Variants in EPRS1 observed in about 807,000 individuals in gnomAD.
The protein encoded by EPRS1 is glutamyl-prolyl-tRNA synthetase 1.
EPRS1 carries 107 observed loss-of-function variants against 188.3 expected under a neutral mutation model. The observed-to-expected ratio is 0.57, with a 90% CI of 0.49 to 0.67. The LOEUF is 0.67. Among genes scored for constraint, EPRS1 ranks in the 30% least tolerant of loss-of-function variants. The pLI is 0.00. For missense variants in EPRS1, 1,577 were observed against 1,802.2 expected (o/e 0.88, Z 2.26); for synonymous variants, 596 against 593.1 (o/e 1.00, Z -0.07).
chr1:219,985,432 G>C (rs1047055342), intron 20 of EPRS1, among the ~76,000 whole-genome samples: 3 of 151,814 alleles, frequency 2.0e-5, no homozygotes, highest in African/African-American at 7.3e-5. Context: ...TCACCCCATC[G>C]CCCAGGCTGG....
At chr1:220,042,128 C>T (rs965112561) in intron 1 of EPRS1, among the ~76,000 whole-genome samples, 8 of 143,608 alleles carry the variant, frequency 5.6e-5, no homozygotes, top group Non-Finnish European at 1.1e-4. Flanking sequence ...TTGCAGTGAG[C>T]CGAGATCACG....
chr1:219,982,576 A>C, intron 23 of EPRS1, 196 bp downstream of exon 23: 1 of 405,800 alleles, frequency 2.5e-6, no homozygotes. Flanking sequence ...ATTTAATGAT[A>C]AGGAGCTCTA....
At chr1:219,990,152 G>C (rs3767671) in intron 18 of EPRS1, among the ~76,000 whole-genome samples, 30,632 of 148,448 alleles carry the variant, frequency 0.21, 4,023 homozygotes, top group African/African-American at 0.36. Flanking sequence ...CGTTCGCCAA[G>C]ATTATAATTT....
In EPRS1 at chr1:219,978,908, C is replaced by T. The variant is rs115965014; in HGVS notation, c.3910-189G>A. Among the ~76,000 whole-genome samples, 526 of 151,764 alleles carry T rather than the reference C, an allele frequency of 3.5e-3. 6 individuals carry two copies. Among genetic ancestry groups the T allele is most frequent in the African/African-American group, 0.012 (514 of 41,382 alleles). ...CGTGCTAAATGCATTTTCATCTGAC[C>T]CACTATATTTCACTTAATCTATTTT... On this transcript the variant is annotated intron_variant, in intron 27 of 31. Coordinates refer to ENST00000366923, the MANE Select transcript of EPRS1 (RefSeq NM_004446.3).
chr1:220,045,976 T>TTAAAA (rs1662393631), intron 1 of EPRS1, among the ~76,000 whole-genome samples: 1 of 152,208 alleles, frequency 6.6e-6, no homozygotes, highest in African/African-American at 2.4e-5. Context: ...CTATTGGATT[T>TTAAAA]TAAGTTTTAA....
rs779630280 is a variant in EPRS1 at position 219,981,494 on chromosome 1, G to C, written c.3374-37C>G. 4.4e-6 allele frequency: 6 copies of C among 1,362,924 alleles called. No homozygotes were observed. In the East Asian group the frequency reaches 1.4e-4, roughly 32 times the overall value. 84.4% of individuals were successfully genotyped at this position (1,362,924 alleles called of 1,614,324 possible). ...GGGAAAATAGAGACAGTCATTTAAG[G>C]CTTTATTTCTCCTTTAGGGATGTAA... On this transcript the variant is annotated intron_variant, in intron 23 of 31. Transcript: ENST00000366923.
chr1:220,018,538 G>A (rs1271192613), intron 11 of EPRS1, 30 bp from the exon 12 acceptor site: 1 of 1,504,608 alleles, frequency 6.6e-7, no homozygotes, highest in South Asian at 1.1e-5. Flanking sequence ...TGATTTTAAG[G>A]GCAAGCAGTA....
At chr1:219,989,296 T>C (rs566425546) in intron 18 of EPRS1, among the ~76,000 whole-genome samples, 48 of 151,502 alleles carry the variant, frequency 3.2e-4, no homozygotes, top group Non-Finnish European at 5.5e-4. Context: ...AAACTGACAA[T>C]GAGATGAGAA....
At chr1:220,017,852 A>G (rs1256590045) in intron 12 of EPRS1, among the ~76,000 whole-genome samples, 1 of 152,196 alleles carries the variant, frequency 6.6e-6, no homozygotes, top group East Asian at 1.9e-4. Context: ...TGAAACTTTA[A>G]TACAACTCAA....
intron 28 of EPRS1, among the ~76,000 whole-genome samples, chr1:219,977,816 C>T (rs936739248): frequency 1.3e-5 from 2 of 152,074 alleles, no homozygotes; most frequent in Non-Finnish European, 2.9e-5. Context: ...ACCTAAAAAT[C>T]CCAATATTGC....
chr1:220,043,211 C>T (rs1662332018), intron 1 of EPRS1, among the ~76,000 whole-genome samples: 1 of 151,714 alleles, frequency 6.6e-6, no homozygotes, highest in African/African-American at 2.4e-5. Context: ...GTAGATTACA[C>T]ACTTGTCACA....
chr1:219,989,199 C>T (rs567568840), intron 18 of EPRS1, among the ~76,000 whole-genome samples: 45 of 151,988 alleles, frequency 3.0e-4, no homozygotes, highest in African/African-American at 1.1e-3. Context: ...CCTTACTTTC[C>T]ACAGCTTATT....
At chr1:220,005,964 T>G (rs1186286983) in intron 15 of EPRS1, 142 bp downstream of exon 15, 1 of 462,894 alleles carries the variant, frequency 2.2e-6, no homozygotes, top group Admixed American at 4.0e-5. Flanking sequence ...GCCACCATGC[T>G]CGGCCAACTT....
chr1:220,044,757 C>A (rs1288155295), intron 1 of EPRS1, among the ~76,000 whole-genome samples: 2 of 147,672 alleles, frequency 1.4e-5, no homozygotes, highest in Non-Finnish European at 3.0e-5. Context: ...ACTCTGGCAA[C>A]CAATCCTATC....
rs1451697441 is a variant in EPRS1 at position 220,010,981 on chromosome 1, G to T, written c.1570C>A (p.Gln524Lys). 1.2e-6 allele frequency: 2 copies of T among 1,613,022 alleles called. No homozygotes were observed. The highest frequency in any genetic ancestry group is 1.7e-6 in the Non-Finnish European group (2 of 1,179,126). The change falls in exon 13 of 32, where the codon CAG (glutamine) becomes AAG (lysine). Residue 524 changes from glutamine (Q) to lysine (K), a missense_variant. Around this residue, in one of 3 missense-constraint regions of EPRS1, gnomAD observed 1,278 missense variants for 1,457.4 expected, o/e 0.88. Coordinates refer to ENST00000366923, the MANE Select transcript of EPRS1 (RefSeq NM_004446.3). ...EVIPVNVPEA[Q>K]EEMKEVAKHP... ...TTGGCTACTTCTTTCATCTCCTCCTGAGCTTCAGGTACATTCACTGGGATC... is the reference window on the plus strand; with the variant it reads ...TTGGCTACTTCTTTCATCTCCTCCTTAGCTTCAGGTACATTCACTGGGATC...
intron 18 of EPRS1, among the ~76,000 whole-genome samples, chr1:219,991,916 T>G (rs1661132157): frequency 6.6e-6 from 1 of 152,220 alleles, no homozygotes; most frequent in Admixed American, 6.5e-5. Context: ...CATAATCTGA[T>G]GTAAGATGTA....
At chr1:219,999,544 T>C (rs956793621) in intron 17 of EPRS1, among the ~76,000 whole-genome samples, 1 of 152,148 alleles carries the variant, frequency 6.6e-6, no homozygotes, top group African/African-American at 2.4e-5. Context: ...AGGCCTTAAA[T>C]GATAGTTAAG....
At position 220,010,822 on chromosome 1, in the gene EPRS1, A is replaced by AAG. The variant is rs1553252638; in HGVS notation, c.1605+123_1605+124insCT. ...AGACTACGTCTCAAAAAAAAAAAAA[A>AAG]AAAGAAAGAAAGAAAGAAAATCATC... On this transcript the variant is annotated intron_variant, in intron 13 of 31. Transcript: ENST00000366923. 4.0e-3 allele frequency: 1,831 copies of AAG among 460,662 alleles called. 7 individuals are homozygous for AAG. Among genetic ancestry groups the AAG allele is most frequent in the East Asian group, 0.037 (861 of 23,064 alleles). 28.5% of individuals were successfully genotyped at this position (460,662 alleles called of 1,614,324 possible). A position where few individuals can be genotyped will look rare whatever the true frequency, so the allele number is the denominator to read the frequency against.
intron 9 of EPRS1, among the ~76,000 whole-genome samples, chr1:220,021,676 CAT>C (rs1226597338): frequency 6.6e-6 from 1 of 152,180 alleles, no homozygotes; most frequent in Non-Finnish European, 1.5e-5. Flanking sequence ...CATATAATCA[CAT>C]GTGTATTTGT....
Sources: allele counts gnomAD v4.1 joint callset (sites outside exome capture counted in the v4.1 genomes callset), GRCh38; gene constraint gnomAD v4.1.1; regional missense constraint gnomAD v4.1.1; transcripts MANE v1.5; gene names NCBI Gene and HGNC (gene_info 2026-07-23, HGNC 2026-07-21).